The following OTUD7A variants were observed in gnomAD, a reference collection of about 807,000 sequenced individuals.
OTUD7A encodes the protein OTU deubiquitinase 7A, also known as OTU domain-containing protein 7A.
A neutral mutation model predicts 65.7 loss-of-function variants in OTUD7A; 12 were observed. The observed-to-expected ratio is 0.18, with a 90% CI of 0.12 to 0.30. The LOEUF is 0.30. Among genes scored for constraint, OTUD7A ranks in the 10% least tolerant of loss-of-function variants. OTUD7A has a pLI of 1.00. For synonymous variants in OTUD7A, 641 were observed against 586.3 expected (o/e 1.09, Z -1.35); for missense variants, 1,148 against 1,304.8 (o/e 0.88, Z 1.85).
At chr15:31,596,085 G>C (rs1216346768) in intron 3 of OTUD7A, among the ~76,000 whole-genome samples, 2 of 151,908 alleles carry the variant, frequency 1.3e-5, no homozygotes, top group South Asian at 2.1e-4. Flanking sequence ...CCTGATTAGC[G>C]ACCTGAATTC....
intron 1 of OTUD7A, among the ~76,000 whole-genome samples, chr15:31,674,056 T>C (rs890801282): frequency 1.2e-4 from 19 of 152,170 alleles, no homozygotes; most frequent in African/African-American, 2.9e-4. Flanking sequence ...TCCACCTAGA[T>C]TGGAATCAGT....
At chr15:31,802,749 A>T (rs901275494) in intron 1 of OTUD7A, among the ~76,000 whole-genome samples, 3 of 152,236 alleles carry the variant, frequency 2.0e-5, no homozygotes, top group African/African-American at 4.8e-5. Flanking sequence ...TTTATAGAAA[A>T]TAATTAAATA....
At position 31,816,937 on chromosome 15, in the gene OTUD7A, A is replaced by G. The variant is rs368325686; in HGVS notation, c.-100+53570T>C. Among the ~76,000 whole-genome samples the G allele has an allele frequency of 2.0e-5, 3 of 152,336 alleles. No individual in the cohort carries two copies. In the South Asian group the frequency reaches 6.2e-4, roughly 32 times the overall value. ...GAAGGTGTCTGTCATGTGACGGTAC[A>G]TTAAGAAAGGCAAACTAATAAAGAA... On this transcript the variant is annotated intron_variant, in intron 1 of 12. Coordinates refer to ENST00000307050, the MANE Select transcript of OTUD7A (RefSeq NM_001382637.1).
chr15:31,492,260 T>C (rs1271925287), intron 10 of OTUD7A, among the ~76,000 whole-genome samples: 1 of 152,208 alleles, frequency 6.6e-6, no homozygotes, highest in African/African-American at 2.4e-5. Context: ...ACATGTGAAG[T>C]CAAGTAATAT....
intron 1 of OTUD7A, among the ~76,000 whole-genome samples, chr15:31,666,724 GA>G (rs1201895987): frequency 4.2e-4 from 64 of 152,082 alleles, no homozygotes; most frequent in Admixed American, 4.1e-3. Flanking sequence ...TGTGACTTTA[GA>G]ATGTCAGTTT....
chr15:31,844,496 CATAAA>C (rs962955310), intron 1 of OTUD7A, among the ~76,000 whole-genome samples: 22 of 152,328 alleles, frequency 1.4e-4, no homozygotes, highest in Middle Eastern at 6.8e-3. Context: ...GACTCCGTCT[CATAAA>C]ATAAAATAAA....
At chr15:31,504,741 C>A (rs2041533364) in intron 8 of OTUD7A, among the ~76,000 whole-genome samples, 1 of 152,160 alleles carries the variant, frequency 6.6e-6, no homozygotes, top group Non-Finnish European at 1.5e-5. Flanking sequence ...CTGGCATGGC[C>A]TGGGGAAAGA....
At position 31,546,164 on chromosome 15, in the gene OTUD7A, G is replaced by A. The variant is rs182497897; in HGVS notation, c.550+12805C>T. ...ACATCTGAGAATTTCAGTATCTGGA[G>A]GGTCCTGGAACAAATTCCCTATGGA... On this transcript the variant is annotated intron_variant, in intron 5 of 12. Coordinates refer to ENST00000307050, the MANE Select transcript of OTUD7A (RefSeq NM_001382637.1). 7.1e-4 allele frequency among the ~76,000 whole-genome samples: 108 copies of A among 152,258 alleles called. 1 individual carries two copies. The highest frequency in any genetic ancestry group is 6.9e-3 in the Admixed American group (105 of 15,296).
intron 1 of OTUD7A, among the ~76,000 whole-genome samples, chr15:31,669,472 C>G (rs999736190): frequency 3.9e-5 from 6 of 152,194 alleles, no homozygotes; most frequent in African/African-American, 1.4e-4. Flanking sequence ...GCCATGCAGT[C>G]CGAAGGGCCG....
chr15:31,738,063 TG>T (rs1894241259), intron 1 of OTUD7A, among the ~76,000 whole-genome samples: 1 of 152,240 alleles, frequency 6.6e-6, no homozygotes, highest in African/African-American at 2.4e-5. Flanking sequence ...GCTGTAAAAA[TG>T]TCACTATTTT....
intron 1 of OTUD7A, among the ~76,000 whole-genome samples, chr15:31,701,331 G>A (rs1893208869): frequency 6.6e-6 from 1 of 151,170 alleles, no homozygotes; most frequent in Admixed American, 6.6e-5. Flanking sequence ...AAAACTCGGT[G>A]AAAGGTAAAT....
At position 31,793,591 on chromosome 15, in the gene OTUD7A, C is replaced by T. The variant is rs186262973; in HGVS notation, c.-100+76916G>A. On this transcript the variant is annotated intron_variant, in intron 1 of 12. Coordinates refer to ENST00000307050, the MANE Select transcript of OTUD7A (RefSeq NM_001382637.1). ...TTAAATTACAATACTGGAAGGGGTA[C>T]GAAGGTGCCATTTTCTTAAGTCCTC... is the stretch of plus-strand genomic sequence containing the variant. Among the ~76,000 whole-genome samples, 292 of 152,320 alleles carry T rather than the reference C, an allele frequency of 1.9e-3. 1 individual carries two copies. The highest frequency in any genetic ancestry group is 3.4e-3 in the Admixed American group (52 of 15,304).
intron 3 of OTUD7A, among the ~76,000 whole-genome samples, chr15:31,592,370 A>C (rs952920348): frequency 6.9e-6 from 1 of 144,334 alleles, no homozygotes; most frequent in African/African-American, 2.4e-5. Flanking sequence ...CTTATTCTAT[A>C]ATCTTTTTTT....
At chr15:31,639,056 C>T (rs1891433189) in intron 3 of OTUD7A, among the ~76,000 whole-genome samples, 1 of 152,008 alleles carries the variant, frequency 6.6e-6, no homozygotes, top group South Asian at 2.1e-4. Flanking sequence ...ATGGCGTGAA[C>T]CCGGGAGGCA....
intron 3 of OTUD7A, among the ~76,000 whole-genome samples, chr15:31,577,341 C>T (rs561804388): frequency 6.6e-6 from 1 of 152,278 alleles, no homozygotes; most frequent in Non-Finnish European, 1.5e-5. Flanking sequence ...CTTCCACAAT[C>T]CCCTTATCTT....
intron 5 of OTUD7A, among the ~76,000 whole-genome samples, chr15:31,545,114 G>A (rs1279095967): frequency 6.6e-6 from 1 of 151,974 alleles, no homozygotes; most frequent in African/African-American, 2.4e-5. Context: ...CATCAAAATT[G>A]TTGATGGAAC....
At chr15:31,493,769 G>A (rs1167021254) in intron 10 of OTUD7A, among the ~76,000 whole-genome samples, 1 of 152,180 alleles carries the variant, frequency 6.6e-6, no homozygotes, top group Non-Finnish European at 1.5e-5. Flanking sequence ...TAAGTCAGAG[G>A]AAGTCTCATG....
chr15:31,841,289 G>T (rs1567050036), intron 1 of OTUD7A, among the ~76,000 whole-genome samples: 1 of 152,148 alleles, frequency 6.6e-6, no homozygotes, highest in South Asian at 2.1e-4. Flanking sequence ...AGTGAGAGGT[G>T]ATTCTGACAG....
chr15:31,631,963 C>A (rs989112963), intron 3 of OTUD7A, among the ~76,000 whole-genome samples: 8 of 152,154 alleles, frequency 5.3e-5, no homozygotes, highest in African/African-American at 1.9e-4. Flanking sequence ...GACTTCTCTG[C>A]GTTGATTATT....
Sources: allele counts gnomAD v4.1 joint callset (sites outside exome capture counted in the v4.1 genomes callset), GRCh38; gene constraint gnomAD v4.1.1; transcripts MANE v1.5; gene names NCBI Gene and HGNC (gene_info 2026-07-23, HGNC 2026-07-21).